MTSS1: variants seen among roughly 807,000 people sequenced by gnomAD.
MTSS1 encodes MTSS I-BAR domain containing 1, also known as protein MTSS 1.
A neutral mutation model predicts 79.0 loss-of-function variants in MTSS1; 18 were observed. The observed-to-expected ratio is 0.23, with a 90% CI of 0.16 to 0.34. The LOEUF (loss-of-function observed/expected upper bound fraction) is 0.34. Ranked by LOEUF, MTSS1 falls within the 10% of genes least tolerant of loss-of-function variation. MTSS1 has a pLI of 1.00. For synonymous variants in MTSS1, 341 were observed against 368.6 expected (o/e 0.93, Z 0.86); for missense variants, 815 against 986.2 (o/e 0.83, Z 2.33).
At chr8:124,634,276 G>GTT (rs370401979) in intron 3 of MTSS1, among the ~76,000 whole-genome samples, 1,604 of 147,672 alleles carry the variant, frequency 0.011, 37 homozygotes, top group African/African-American at 0.038. Flanking sequence ...TACCTGGCTA[G>GTT]TTTTTTTTTG....
intron 10 of MTSS1, among the ~76,000 whole-genome samples, chr8:124,561,134 T>C (rs958447280): frequency 6.6e-6 from 1 of 152,204 alleles, no homozygotes; most frequent in Non-Finnish European, 1.5e-5. Context: ...CCTGAGCTCA[T>C]TAAAACTACC....
chr8:124,555,695 T>G lies in MTSS1; in HGVS notation c.1567+47A>C, dbSNP rs751612264. ...ACCAGCAGTTTTCTATCTCCTCACC[T>G]GGTGCTGCTCAGAAAGCCTAAGTGC... On this transcript the variant is annotated intron_variant, in intron 13 of 13. Transcript: ENST00000518547. The G allele has an allele frequency of 1.3e-5, 20 of 1,523,680 alleles. No homozygotes were observed. In the Admixed American group the frequency reaches 3.4e-4, roughly 26 times the overall value. 94.4% of individuals were successfully genotyped at this position (1,523,680 alleles called of 1,614,324 possible). A position where few individuals can be genotyped will look rare whatever the true frequency, so the allele number is the denominator to read the frequency against.
At chr8:124,627,030 T>C (rs977356706) in intron 3 of MTSS1, among the ~76,000 whole-genome samples, 4 of 152,102 alleles carry the variant, frequency 2.6e-5, no homozygotes, top group African/African-American at 9.7e-5. Context: ...TCGAGTCCTG[T>C]GCACATTCCC....
chr8:124,663,157 GT>G (rs1822405776), intron 3 of MTSS1, among the ~76,000 whole-genome samples: 1 of 152,156 alleles, frequency 6.6e-6, no homozygotes, highest in Non-Finnish European at 1.5e-5. Flanking sequence ...CTGCACACGT[GT>G]CTCTAGGAAA....
At chr8:124,700,990 A>C (rs928163564) in intron 2 of MTSS1, among the ~76,000 whole-genome samples, 7 of 152,164 alleles carry the variant, frequency 4.6e-5, no homozygotes, top group African/African-American at 1.2e-4. Context: ...CACTTTGGAA[A>C]GCTGAGGTGG....
chr8:124,717,467 CGGCCTGGGGG>C (rs1832242068), intron 1 of MTSS1, among the ~76,000 whole-genome samples: 2 of 150,668 alleles, frequency 1.3e-5, no homozygotes, highest in Admixed American at 1.3e-4. Context: ...CTGCACACTC[CGGCCTGGGGG>C]ACAGATACTC....
In MTSS1 at chr8:124,727,990, G is replaced by A. The variant is rs779902708; in HGVS notation, c.-35C>T. On this transcript the variant is annotated 5_prime_UTR_variant, in exon 1 of 14. Coordinates refer to ENST00000518547, the MANE Select transcript of MTSS1 (RefSeq NM_014751.6). The surrounding 1 kb of genome is among the most constrained non-coding windows in gnomAD (Gnocchi z 4.7). Reference sequence around the variant, plus strand: ...TCCGGCAGGGCGAGGGCACACACGCGGGGCCGCTGGACTGCGCGCGGGGCC... The same window carrying A: ...TCCGGCAGGGCGAGGGCACACACGCAGGGCCGCTGGACTGCGCGCGGGGCC... The A allele has an allele frequency of 6.3e-7, 1 of 1,593,238 alleles. No homozygotes were observed.
At chr8:124,673,928 C>T (rs529064294) in intron 3 of MTSS1, among the ~76,000 whole-genome samples, 1 of 152,214 alleles carries the variant, frequency 6.6e-6, no homozygotes, top group South Asian at 2.1e-4. Flanking sequence ...ATCCATGGCC[C>T]TTGCTCCAGA....
At chr8:124,649,989 G>A (rs575172108) in intron 3 of MTSS1, among the ~76,000 whole-genome samples, 37 of 151,602 alleles carry the variant, frequency 2.4e-4, no homozygotes, top group African/African-American at 7.7e-4. Flanking sequence ...TTCCCAGACA[G>A]TGGCCAAACT....
At chr8:124,595,827 G>T (rs1195898531) in intron 3 of MTSS1, among the ~76,000 whole-genome samples, 3 of 152,218 alleles carry the variant, frequency 2.0e-5, no homozygotes, top group Non-Finnish European at 4.4e-5. Context: ...GCTGACTGCA[G>T]CACCCATTCG....
chr8:124,598,439 C>T (rs770649016), intron 3 of MTSS1, among the ~76,000 whole-genome samples: 51 of 152,312 alleles, frequency 3.3e-4, no homozygotes, highest in Non-Finnish European at 2.6e-4. Context: ...GGGGCAAACT[C>T]GTCCCTGGTG....
In MTSS1 at chr8:124,597,340, G is replaced by A. The variant is rs1286879932; in HGVS notation, c.209-6105C>T. On this transcript the variant is annotated intron_variant, in intron 3 of 13. Transcript: ENST00000518547. This position sits in a 1 kb window ranked among gnomAD's most constrained non-coding sequence, Gnocchi z 4.6. ...CAAGCCTGCTTCTACGGATACCAAG[G>A]GCTCTCTCTCACTACGACAAGCTGG... Among the ~76,000 whole-genome samples, 1 of 152,156 alleles carries A rather than the reference G, an allele frequency of 6.6e-6. No individual in the cohort carries two copies. Among genetic ancestry groups the A allele is most frequent in the Non-Finnish European group, 1.5e-5 (1 of 68,040 alleles).
At chr8:124,600,136 T>C (rs149531757) in intron 3 of MTSS1, among the ~76,000 whole-genome samples, 84 of 152,294 alleles carry the variant, frequency 5.5e-4, no homozygotes, top group African/African-American at 2.0e-3. Flanking sequence ...TCATCTGTGA[T>C]TTCCATGTCG....
intron 10 of MTSS1, among the ~76,000 whole-genome samples, chr8:124,560,409 A>G (rs924168354): frequency 3.9e-5 from 6 of 152,238 alleles, no homozygotes; most frequent in African/African-American, 1.4e-4. Context: ...AAAATTGCCT[A>G]TCAGAGACAA....
chr8:124,661,001 C>T (rs146964431), intron 3 of MTSS1, among the ~76,000 whole-genome samples: 1 of 152,198 alleles, frequency 6.6e-6, no homozygotes, highest in Non-Finnish European at 1.5e-5. Flanking sequence ...ACCTCTTGGC[C>T]CTGAGGCCAT....
At chr8:124,649,275 T>A (rs193083191) in intron 3 of MTSS1, among the ~76,000 whole-genome samples, 1 of 152,328 alleles carries the variant, frequency 6.6e-6, no homozygotes, top group African/African-American at 2.4e-5. Flanking sequence ...CCTAAAATAT[T>A]GACTGTGTGG....
chr8:124,627,467 G>A (rs1234941597), intron 3 of MTSS1, among the ~76,000 whole-genome samples: 1 of 152,224 alleles, frequency 6.6e-6, no homozygotes, highest in African/African-American at 2.4e-5. Flanking sequence ...GTCACAAAGG[G>A]AAAATATGTT....
chr8:124,616,546 G>C (rs908616436), intron 3 of MTSS1, among the ~76,000 whole-genome samples: 1 of 152,106 alleles, frequency 6.6e-6, no homozygotes, highest in Non-Finnish European at 1.5e-5. Flanking sequence ...TGTCAGTCCA[G>C]GTCTCACCAG....
chr8:124,606,545 C>T (rs1352102710), intron 3 of MTSS1, among the ~76,000 whole-genome samples: 11 of 152,286 alleles, frequency 7.2e-5, no homozygotes, highest in African/African-American at 2.4e-4. Flanking sequence ...TCAGAATTTA[C>T]ATCCAGGGCT....
Sources: gnomAD v4.1 joint callset for allele counts (sites outside exome capture counted in the v4.1 genomes callset) on GRCh38, gnomAD v4.1.1 for gene constraint, Gnocchi (gnomAD v3.1) non-coding constraint, MANE v1.5 for transcripts, NCBI Gene and HGNC (gene_info 2026-07-23, HGNC 2026-07-21) for gene names.